Variants in PI4K2B observed in about 807,000 individuals in gnomAD.
PI4K2B encodes phosphatidylinositol 4-kinase type 2-beta.
A neutral mutation model predicts 56.6 loss-of-function variants in PI4K2B; 46 were observed. The ratio of observed to expected loss-of-function variants is 0.81; its 90% CI spans 0.64 to 1.04. PI4K2B has a LOEUF of 1.04. PI4K2B is among the 50% of genes least tolerant of loss of function. The pLI is 0.00. For synonymous variants in PI4K2B, 211 were observed against 223.8 expected (o/e 0.94, Z 0.51); for missense variants, 556 against 607.7 (o/e 0.91, Z 0.89).
In PI4K2B at chr4:25,260,631, TATATATATATACACAC is replaced by T. The variant is rs1369707075; in HGVS notation, c.978+42_978+57del. The T allele has an allele frequency of 2.3e-4, 49 of 213,896 alleles. No individual in the cohort carries two copies. In the East Asian group the frequency reaches 2.5e-3, roughly 11 times the overall value. The allele number at this position is 213,896 out of a possible 1,614,324, so 13.2% of individuals were successfully genotyped here. A position where few individuals can be genotyped will look rare whatever the true frequency, so the allele number is the denominator to read the frequency against. On this transcript the variant is annotated intron_variant, in intron 6 of 9. Coordinates refer to ENST00000264864, the MANE Select transcript of PI4K2B (RefSeq NM_018323.4). ...AATTTTATATATATATATATATATA[TATATATATATACACAC>T]ACACACACACACACACATACACACA...
intron 7 of PI4K2B, 26 bp from the exon 8 acceptor site, chr4:25,268,417 A>G (rs1489877463): frequency 1.3e-6 from 2 of 1,584,366 alleles, no homozygotes; most frequent in East Asian, 2.2e-5. Context: ...CCTACCACTG[A>G]TTAGGAGAAT....
At chr4:25,234,765 A>C (rs76646142) in intron 1 of PI4K2B, among the ~76,000 whole-genome samples, 1,568 of 152,310 alleles carry the variant, frequency 0.01, 16 homozygotes, top group African/African-American at 0.035. Flanking sequence ...TCAAGTTTGG[A>C]CTTGACTTTT....
At position 25,263,771 on chromosome 4, in the gene PI4K2B, G is replaced by C. The variant is rs780225178; in HGVS notation, c.1000G>C (p.Glu334Gln). 2 of 1,462,092 alleles carry C rather than the reference G, an allele frequency of 1.4e-6. No individual in the cohort carries two copies. The highest frequency in any genetic ancestry group is 2.4e-5 in the East Asian group (1 of 42,226). 90.6% of individuals were successfully genotyped at this position (1,462,092 alleles called of 1,614,324 possible). Reference sequence around the variant, plus strand: ...ATAGGAATCAAAATGGATTGATGATGAAGAATTCCTTATTAAAATAGCTGC... The same window carrying C: ...ATAGGAATCAAAATGGATTGATGATCAAGAATTCCTTATTAAAATAGCTGC... ...DHKESKWIDD[E>Q]EFLIKIAAID... Residue 334 changes from glutamate (E) to glutamine (Q), a missense_variant, in exon 7 of 10, where the codon GAA (glutamate) becomes CAA (glutamine). Physicochemically the swap from Glu to Gln is conservative, Grantham distance 29 (BLOSUM62 2). Coordinates refer to ENST00000264864, the MANE Select transcript of PI4K2B (RefSeq NM_018323.4).
intron 1 of PI4K2B, among the ~76,000 whole-genome samples, chr4:25,247,317 G>A (rs1487890556): frequency 6.6e-6 from 1 of 152,268 alleles, no homozygotes; most frequent in Non-Finnish European, 1.5e-5. Context: ...GTGTTGGAGA[G>A]TATTTCTCAA....
At chr4:25,244,106 G>A (rs1715656913) in intron 1 of PI4K2B, among the ~76,000 whole-genome samples, 2 of 152,158 alleles carry the variant, frequency 1.3e-5, no homozygotes, top group Non-Finnish European at 2.9e-5. Flanking sequence ...TACCTATCAG[G>A]ATCATCTGAA....
intron 5 of PI4K2B, among the ~76,000 whole-genome samples, chr4:25,260,022 G>A (rs952037227): frequency 6.6e-6 from 1 of 152,196 alleles, no homozygotes; most frequent in African/African-American, 2.4e-5. Context: ...TGAAGTTTGA[G>A]AACCACTGGT....
At chr4:25,258,898 A>G in intron 4 of PI4K2B, 139 bp from the exon 5 acceptor site, 3 of 470,742 alleles carry the variant, frequency 6.4e-6, no homozygotes, top group Admixed American at 3.8e-5. Flanking sequence ...TTCTTGATAA[A>G]TGTGGCTTAT....
chr4:25,236,301 G>C (rs1715261021), intron 1 of PI4K2B, among the ~76,000 whole-genome samples: 1 of 152,004 alleles, frequency 6.6e-6, no homozygotes, highest in African/African-American at 2.4e-5. Context: ...TGTAATCCCA[G>C]CATTTTGGAA....
rs748655478 is a variant in PI4K2B at position 25,256,687 on chromosome 4, G to A, written c.756+13G>A. 6.2e-7 allele frequency: 1 copy of A among 1,611,778 alleles called. No individual in the cohort carries two copies. The highest frequency in any genetic ancestry group is 8.5e-7 in the Non-Finnish European group (1 of 1,178,826). On this transcript the variant is annotated intron_variant, in intron 4 of 9. Coordinates refer to ENST00000264864, the MANE Select transcript of PI4K2B (RefSeq NM_018323.4). ...ACTCCCTCCTAAGGTAAGTTTCTCT[G>A]ATAAGCTGTATTTAGAGGGCATTTG...
At chr4:25,260,633 TATATATATACACACAC>T in intron 6 of PI4K2B, 42 bp downstream of exon 6, 1 of 61,340 alleles carries the variant, frequency 1.6e-5, no homozygotes, top group East Asian at 1.9e-4. Flanking sequence ...TATATATATA[TATATATATACACACAC>T]ACACACACAC....
intron 4 of PI4K2B, among the ~76,000 whole-genome samples, chr4:25,257,866 A>C (rs968862599): frequency 6.6e-6 from 1 of 152,218 alleles, no homozygotes; most frequent in African/African-American, 2.4e-5. Context: ...CTTAGTTATA[A>C]GTATTTTAAA....
Position 25,255,210 on chromosome 4 carries a change from C to CG in PI4K2B, c.572dup (p.Ala192CysfsTer15). 6.2e-7 allele frequency: 1 copy of CG among 1,614,110 alleles called. No homozygotes were observed. Among genetic ancestry groups the CG allele is most frequent in the South Asian group, 1.1e-5 (1 of 91,080 alleles). ...CCTAATCAGGGGTACCTTTCCGAAG[C>CG]GGGTGCCTATCTTGTGGACAACAAG... On this transcript the variant is annotated frameshift_variant, in exon 3 of 10. Coordinates refer to ENST00000264864, the MANE Select transcript of PI4K2B (RefSeq NM_018323.4). LOFTEE classifies it high-confidence loss of function.
intron 1 of PI4K2B, among the ~76,000 whole-genome samples, chr4:25,247,851 A>T (rs1403804052): frequency 6.6e-6 from 1 of 152,104 alleles, no homozygotes; most frequent in Non-Finnish European, 1.5e-5. Flanking sequence ...CTACAGGTAC[A>T]TGCCACTATA....
chr4:25,251,823 G>GTTA (rs1287549887), intron 1 of PI4K2B, among the ~76,000 whole-genome samples: 4 of 107,140 alleles, frequency 3.7e-5, no homozygotes, highest in African/African-American at 1.1e-4. Context: ...TGTTGTTGTT[G>GTTA]TTGTTATTAT....
chr4:25,249,423 G>A (rs1274596846), intron 1 of PI4K2B, among the ~76,000 whole-genome samples: 6 of 148,602 alleles, frequency 4.0e-5, no homozygotes, highest in African/African-American at 1.5e-4. Context: ...CGGACAGGGC[G>A]GCTGGCCGGG....
chr4:25,273,228 G>A (rs895371365), intron 9 of PI4K2B, among the ~76,000 whole-genome samples: 2 of 152,088 alleles, frequency 1.3e-5, no homozygotes, highest in Non-Finnish European at 2.9e-5. Flanking sequence ...GTCATAATCA[G>A]GGTAGGTAAA....
chr4:25,238,726 T>C (rs189849103), intron 1 of PI4K2B, among the ~76,000 whole-genome samples: 97 of 151,952 alleles, frequency 6.4e-4, no homozygotes, highest in African/African-American at 2.1e-3. Flanking sequence ...TGCAGACCTT[T>C]GCGGTGAGTG....
rs771171527 is a variant in PI4K2B at position 25,255,047 on chromosome 4, T to G, written c.424-18T>G. 5.1e-6 allele frequency: 8 copies of G among 1,559,386 alleles called. No individual in the cohort carries two copies. In the South Asian group the frequency reaches 9.0e-5, roughly 17 times the overall value. On this transcript the variant is annotated intron_variant, in intron 2 of 9. Transcript: ENST00000264864. ...TATATGTAAAAAGTCTAATAAGATT[T>G]TTACTTTTTTGCTCTAGAAAATTAT...
intron 3 of PI4K2B, 100 bp downstream of exon 3, chr4:25,255,365 G>C: frequency 9.5e-7 from 1 of 1,054,578 alleles, no homozygotes; most frequent in South Asian, 1.4e-5. Context: ...CTAAAGTGGA[G>C]CCCCTTTTTT....
Sources: allele counts gnomAD v4.1 joint callset (sites outside exome capture counted in the v4.1 genomes callset), GRCh38; gene constraint gnomAD v4.1.1; transcripts MANE v1.5; gene names NCBI Gene and HGNC (gene_info 2026-07-23, HGNC 2026-07-21).